Variants in TBC1D1 observed in about 807,000 individuals in gnomAD.
TBC1D1 encodes TBC1 (tre-2/USP6, BUB2, cdc16) domain family, member 1.
Under a neutral mutation model 125.6 loss-of-function variants are expected in TBC1D1, and 89 were observed. The observed-to-expected ratio is 0.71, with a 90% confidence interval of 0.60 to 0.85. TBC1D1 has a LOEUF of 0.85. Among genes scored for constraint, TBC1D1 ranks in the 40% least tolerant of loss-of-function variants. The probability of loss-of-function intolerance (pLI) is 0.00; values close to 1 mark genes in which losing one functional copy is unlikely to be tolerated. For synonymous variants in TBC1D1, 565 were observed against 564.1 expected (o/e 1.00, Z -0.02); for missense variants, 1,377 against 1,469.2 (o/e 0.94, Z 1.03).
intron 12 of TBC1D1, among the ~76,000 whole-genome samples, chr4:38,076,270 AACTC>A (rs1387246182): frequency 2.0e-5 from 3 of 152,214 alleles, no homozygotes; most frequent in Non-Finnish European, 4.4e-5. Context: ...CATGAGAACT[AACTC>A]ACTATCATGA....
chr4:38,010,441 C>T (rs558040851), intron 2 of TBC1D1, among the ~76,000 whole-genome samples: 7 of 152,278 alleles, frequency 4.6e-5, no homozygotes, highest in South Asian at 4.2e-4. Context: ...CTTTCCCTCC[C>T]GGATGTGAGC....
chr4:38,037,393 C>T (rs539828237), intron 8 of TBC1D1, among the ~76,000 whole-genome samples: 72 of 151,868 alleles, frequency 4.7e-4, no homozygotes, highest in Middle Eastern at 3.4e-3. Flanking sequence ...ATGAACCAGA[C>T]GGCTCATGTC....
chr4:38,006,764 C>G (rs1052480700), intron 2 of TBC1D1: 1 of 457,202 alleles, frequency 2.2e-6, no homozygotes, highest in Admixed American at 2.3e-5. Flanking sequence ...CAGGCGTGAG[C>G]CACTGCGCCT....
intron 1 of TBC1D1, among the ~76,000 whole-genome samples, chr4:37,898,556 A>G (rs1213849647): frequency 3.9e-5 from 6 of 152,262 alleles, no homozygotes; most frequent in Admixed American, 2.6e-4. Flanking sequence ...TGTACTTCCC[A>G]CTATAAGATA....
At chr4:37,993,292 G>A (rs1390503555) in intron 2 of TBC1D1, among the ~76,000 whole-genome samples, 3 of 152,128 alleles carry the variant, frequency 2.0e-5, no homozygotes, top group Non-Finnish European at 4.4e-5. Flanking sequence ...TCTGTGAAAT[G>A]AAAGATTTTA....
At chr4:38,070,685 A>C (rs976353249) in intron 12 of TBC1D1, among the ~76,000 whole-genome samples, 8 of 152,108 alleles carry the variant, frequency 5.3e-5, no homozygotes, top group African/African-American at 1.9e-4. Context: ...TAAAAAAAAC[A>C]TACACATGGA....
intron 3 of TBC1D1, among the ~76,000 whole-genome samples, chr4:38,017,501 G>A (rs1743012085): frequency 6.6e-6 from 1 of 152,206 alleles, no homozygotes; most frequent in Non-Finnish European, 1.5e-5. Flanking sequence ...GCCCCAAACA[G>A]AATGCACGTT....
chr4:38,012,508 C>T (rs1048588860), intron 2 of TBC1D1, among the ~76,000 whole-genome samples: 4 of 152,182 alleles, frequency 2.6e-5, no homozygotes, highest in Non-Finnish European at 5.9e-5. Context: ...CTCCTGAGCT[C>T]AAGCAATCCG....
rs141611814 is a variant in TBC1D1, at chr4:37,981,588, C to G, written c.418-32921C>G. On this transcript the variant is annotated intron_variant, in intron 2 of 19. Coordinates refer to ENST00000261439, the MANE Select transcript of TBC1D1 (RefSeq NM_015173.4). ...TAAGTGGCTCCGGGCTGGGGTGGTG[C>G]AGGGGTGGCATTCCATCTGACTGGT... Among the ~76,000 whole-genome samples the G allele has an allele frequency of 4.7e-3, 717 of 152,168 alleles. 5 individuals are homozygous for G. Among genetic ancestry groups the G allele is most frequent in the African/African-American group, 0.017 (689 of 41,512 alleles).
At chr4:38,038,949 A>AAAG (rs1747763031) in intron 8 of TBC1D1, among the ~76,000 whole-genome samples, 1 of 120,182 alleles carries the variant, frequency 8.3e-6, no homozygotes, top group African/African-American at 4.6e-5. Flanking sequence ...CCCTCTCGGG[A>AAAG]AAAAAAAAAA....
At chr4:38,043,168 C>T (rs1295993647) in intron 8 of TBC1D1, among the ~76,000 whole-genome samples, 2 of 152,052 alleles carry the variant, frequency 1.3e-5, no homozygotes, top group East Asian at 3.9e-4. Context: ...TCCCAAAGTG[C>T]TGAGATTACA....
intron 2 of TBC1D1, among the ~76,000 whole-genome samples, chr4:37,984,094 T>A (rs913860467): frequency 6.6e-6 from 1 of 152,158 alleles, no homozygotes; most frequent in Non-Finnish European, 1.5e-5. Context: ...TTTTTTAAAA[T>A]GGCTTGATCA....
intron 12 of TBC1D1, among the ~76,000 whole-genome samples, chr4:38,057,668 G>T (rs1751976026): frequency 6.6e-6 from 1 of 152,158 alleles, no homozygotes; most frequent in South Asian, 2.1e-4. Flanking sequence ...TATAATAATA[G>T]CCACATATTA....
intron 2 of TBC1D1, among the ~76,000 whole-genome samples, chr4:37,928,058 C>G (rs1199794948): frequency 6.6e-6 from 1 of 152,150 alleles, no homozygotes; most frequent in Non-Finnish European, 1.5e-5. Context: ...GGAAAAGCAC[C>G]GAATCTCTCT....
intron 12 of TBC1D1, among the ~76,000 whole-genome samples, chr4:38,078,274 C>T (rs999749674): frequency 2.0e-5 from 3 of 152,196 alleles, no homozygotes; most frequent in African/African-American, 7.2e-5. Context: ...CATGCCTTTC[C>T]ATCGTAATAA....
intron 14 of TBC1D1, among the ~76,000 whole-genome samples, chr4:38,098,875 A>C (rs1372208647): frequency 6.6e-6 from 1 of 152,196 alleles, no homozygotes; most frequent in Non-Finnish European, 1.5e-5. Context: ...GAAATAAAGG[A>C]ATTTATAAAA....
At chr4:38,007,328 C>T (rs1578243429) in intron 2 of TBC1D1, among the ~76,000 whole-genome samples, 1 of 152,110 alleles carries the variant, frequency 6.6e-6, no homozygotes, top group East Asian at 1.9e-4. Context: ...TCTCAGCTCA[C>T]TGCAACCTTT....
chr4:38,081,039 C>T (rs1438509087), intron 12 of TBC1D1, among the ~76,000 whole-genome samples: 1 of 152,128 alleles, frequency 6.6e-6, no homozygotes, highest in Non-Finnish European at 1.5e-5. Flanking sequence ...GGAGCTGAGT[C>T]CCAATCCCTT....
chr4:37,981,523 C>A (rs189701267), intron 2 of TBC1D1, among the ~76,000 whole-genome samples: 8 of 152,208 alleles, frequency 5.3e-5, no homozygotes, highest in Admixed American at 1.3e-4. Flanking sequence ...AATAGGTGAA[C>A]AAGATTATTT....
Sources: allele counts gnomAD v4.1 joint callset (sites outside exome capture counted in the v4.1 genomes callset), GRCh38; gene constraint gnomAD v4.1.1; transcripts MANE v1.5; gene names NCBI Gene and HGNC (gene_info 2026-07-23, HGNC 2026-07-21).